Variants in RELN observed in about 807,000 individuals in gnomAD.
The protein encoded by RELN is reelin.
In RELN, 108 loss-of-function variants were observed where a neutral mutation model predicts 427.6. That is an observed-to-expected ratio of 0.25 (90% CI 0.22 to 0.30). RELN has a LOEUF of 0.30. Ranked by LOEUF, RELN falls within the 10% of genes least tolerant of loss-of-function variation. The pLI, the probability that RELN is intolerant of heterozygous loss-of-function variation, is 1.00. For missense variants in RELN, 3,715 were observed against 4,302.8 expected (o/e 0.86, Z 3.82); for synonymous variants, 1,524 against 1,513.4 (o/e 1.01, Z -0.16).
At chr7:103,697,805 A>G in intron 10 of RELN, 48 bp downstream of exon 10, 1 of 1,612,460 alleles carries the variant, frequency 6.2e-7, no homozygotes, top group South Asian at 1.1e-5. Flanking sequence ...CACTTTTAGA[A>G]AGGAGATGAA....
chr7:103,892,657 C>A (rs1005072891), intron 2 of RELN, among the ~76,000 whole-genome samples: 14 of 152,228 alleles, frequency 9.2e-5, no homozygotes, highest in African/African-American at 3.4e-4. Context: ...TAATCAGGAA[C>A]TCATAATATT....
At chr7:103,744,527 T>C (rs1399659086) in intron 6 of RELN, among the ~76,000 whole-genome samples, 1 of 151,612 alleles carries the variant, frequency 6.6e-6, no homozygotes, top group South Asian at 2.1e-4. Flanking sequence ...GCAAGACTAA[T>C]AAAGAAGAAA....
intron 2 of RELN, among the ~76,000 whole-genome samples, chr7:103,914,314 A>G (rs1329268160): frequency 6.6e-6 from 1 of 152,020 alleles, no homozygotes; most frequent in Non-Finnish European, 1.5e-5. Context: ...CTGACAAATG[A>G]CAGTTTGTCA....
At chr7:103,523,722 G>A (rs1429797743) in intron 46 of RELN, among the ~76,000 whole-genome samples, 191 bp from the exon 47 acceptor site, 1 of 151,926 alleles carries the variant, frequency 6.6e-6, no homozygotes, top group Non-Finnish European at 1.5e-5. Flanking sequence ...CTGTCACCCG[G>A]GCTGGAACGC....
chr7:103,579,393 G>A (rs1831076169), intron 28 of RELN, among the ~76,000 whole-genome samples: 1 of 152,140 alleles, frequency 6.6e-6, no homozygotes. Flanking sequence ...AGTGTTACGA[G>A]TTCGAGACTA....
At chr7:103,482,611 C>G (rs577229111) in intron 63 of RELN, among the ~76,000 whole-genome samples, 14 of 152,248 alleles carry the variant, frequency 9.2e-5, no homozygotes, top group African/African-American at 3.4e-4. Context: ...TTTGTTTTAT[C>G]CAATTTAACC....
rs140367199 is a variant in RELN, at chr7:103,909,255, A to T, written c.337+7820T>A. On this transcript the variant is annotated intron_variant, in intron 2 of 64. Coordinates refer to ENST00000428762, the MANE Select transcript of RELN (RefSeq NM_005045.4). ...CCTGGGGAGTATGGGCCTTGGCGAT[A>T]ATTAGCAAGTTTGTAATAGGTTCTA... Among the ~76,000 whole-genome samples, 608 of 152,218 alleles carry T rather than the reference A, an allele frequency of 4.0e-3. 3 individuals are homozygous for T. The highest frequency in any genetic ancestry group is 0.014 in the African/African-American group (585 of 41,546).
intron 28 of RELN, among the ~76,000 whole-genome samples, chr7:103,582,987 G>A (rs1309148928): frequency 6.6e-6 from 1 of 152,098 alleles, no homozygotes; most frequent in Admixed American, 6.5e-5. Flanking sequence ...AAGCTTCCAC[G>A]GAGCCAGAAA....
chr7:103,495,424 C>T (rs1438246373), intron 57 of RELN, among the ~76,000 whole-genome samples: 1 of 150,764 alleles, frequency 6.6e-6, no homozygotes, highest in Non-Finnish European at 1.5e-5. Context: ...CCTGCCCCAG[C>T]CTCCCAAAGT....
chr7:103,788,743 G>A (rs117303465), intron 3 of RELN, among the ~76,000 whole-genome samples: 190 of 152,122 alleles, frequency 1.2e-3, no homozygotes, highest in African/African-American at 4.2e-3. Flanking sequence ...AATCAATATC[G>A]TGAAAATATA....
At chr7:103,773,442 T>TCG (rs1791655478) in intron 4 of RELN, among the ~76,000 whole-genome samples, 1 of 102,106 alleles carries the variant, frequency 9.8e-6, no homozygotes, top group Non-Finnish European at 1.9e-5. Context: ...TCTCTCTCTC[T>TCG]CTCCCTCGCT....
Position 103,700,942 on chromosome 7 carries a change from G to C in RELN, c.870C>G (p.Asn290Lys). The C allele has an allele frequency of 1.2e-6, 2 of 1,611,388 alleles. No homozygotes were observed. Among genetic ancestry groups the C allele is most frequent in the Non-Finnish European group, 1.7e-6 (2 of 1,177,722 alleles). ...TCTCTAGCTGAATCCAGTCCGCAGA[G>C]TTATTCTTGGCATATAACACGATGA... is the stretch of plus-strand genomic sequence containing the variant. Reference protein sequence around the residue: ...PSIIVLYAKNNSADWIQLEKI... With the variant: ...PSIIVLYAKNKSADWIQLEKI... Residue 290 changes from asparagine to lysine, a missense_variant, in exon 9 of 65, where the codon AAC (asparagine) becomes AAG (lysine). Asn to Lys is a moderately conservative substitution (Grantham distance 94). Transcript: ENST00000428762.
At chr7:103,600,302 C>T (rs1368948238) in intron 24 of RELN, among the ~76,000 whole-genome samples, 1 of 152,156 alleles carries the variant, frequency 6.6e-6, no homozygotes, top group Non-Finnish European at 1.5e-5. Flanking sequence ...CTGGTGGGGG[C>T]TGCCAGACAG....
intron 3 of RELN, among the ~76,000 whole-genome samples, chr7:103,786,940 A>G (rs969119503): frequency 1.3e-5 from 2 of 152,196 alleles, no homozygotes; most frequent in African/African-American, 4.8e-5. Context: ...AAAATTGACC[A>G]CATAATTAGA....
intron 28 of RELN, among the ~76,000 whole-genome samples, chr7:103,586,409 C>T (rs936613710): frequency 6.6e-6 from 1 of 151,872 alleles, no homozygotes; most frequent in Non-Finnish European, 1.5e-5. Context: ...ATATGACAAA[C>T]CCACAGCCAA....
At chr7:103,598,044 G>T (rs977397607) in intron 24 of RELN, among the ~76,000 whole-genome samples, 14 of 152,106 alleles carry the variant, frequency 9.2e-5, no homozygotes, top group Admixed American at 9.2e-4. Flanking sequence ...CAGAAAAATG[G>T]CTCTCACACT....
chr7:103,886,732 A>T (rs2116577389), intron 2 of RELN, among the ~76,000 whole-genome samples: 1 of 152,340 alleles, frequency 6.6e-6, no homozygotes, highest in South Asian at 2.1e-4. Context: ...CCCTAATGAA[A>T]TGTCATATTT....
At chr7:103,544,383 C>T (rs1477418392) in intron 42 of RELN, among the ~76,000 whole-genome samples, 4 of 151,614 alleles carry the variant, frequency 2.6e-5, no homozygotes. Context: ...TGCCTGCCAG[C>T]GTGCCCGGCT....
intron 3 of RELN, among the ~76,000 whole-genome samples, chr7:103,822,107 A>T (rs534089455): frequency 2.0e-5 from 3 of 152,104 alleles, no homozygotes; most frequent in Non-Finnish European, 2.9e-5. Context: ...TAAATAGGTT[A>T]TCTTATAATT....
Sources: gnomAD v4.1 joint callset for allele counts (sites outside exome capture counted in the v4.1 genomes callset) on GRCh38, gnomAD v4.1.1 for gene constraint, MANE v1.5 for transcripts, NCBI Gene and HGNC (gene_info 2026-07-23, HGNC 2026-07-21) for gene names.